Variants in LEF1 observed in about 807,000 individuals in gnomAD.
LEF1 encodes the protein lymphoid enhancer-binding factor 1.
A neutral mutation model predicts 51.2 loss-of-function variants in LEF1; 14 were observed. The observed-to-expected ratio is 0.27, with a 90% CI of 0.18 to 0.43. LEF1 has a LOEUF of 0.43. Ranked by LOEUF, LEF1 falls within the 20% of genes least tolerant of loss-of-function variation. LEF1 has a pLI of 1.00. For synonymous variants in LEF1, 185 were observed against 183.2 expected, an observed-to-expected ratio of 1.01 and a Z score of -0.08; for missense variants, 386 against 512.0, an observed-to-expected ratio of 0.75 and a Z score of 2.37.
intron 3 of LEF1, among the ~76,000 whole-genome samples, chr4:108,097,924 A>G (rs914447037): frequency 1.3e-5 from 2 of 152,176 alleles, no homozygotes; most frequent in African/African-American, 4.8e-5. Context: ...AGTCAGGAGC[A>G]AAAGCTTTCT....
rs1025731926 is a variant in LEF1, at chr4:108,131,424, A to G, written c.414+32144T>C. Among the ~76,000 whole-genome samples the G allele has an allele frequency of 2.0e-5, 3 of 151,860 alleles. No individual in the cohort carries two copies. In the East Asian group the frequency reaches 5.8e-4, roughly 29 times the overall value. On this transcript the variant is annotated intron_variant, in intron 3 of 11. Coordinates refer to ENST00000265165, the MANE Select transcript of LEF1 (RefSeq NM_016269.5). ...AAAAAAATGTTTTAAATAAAAATCT[A>G]CTCAAGAGTATCTACACAATGCCTA...
intron 8 of LEF1, among the ~76,000 whole-genome samples, chr4:108,077,896 C>T (rs1739008807): frequency 6.6e-6 from 1 of 152,060 alleles, no homozygotes; most frequent in African/African-American, 2.4e-5. Flanking sequence ...AAAAATTAGC[C>T]AGGCATGGTG....
chr4:108,166,152 T>C (rs1745374925), intron 1 of LEF1: 1 of 925,628 alleles, frequency 1.1e-6, no homozygotes, highest in East Asian at 3.0e-5. Flanking sequence ...ACAAATCTTT[T>C]ACGCGGGGTT....
intron 3 of LEF1, among the ~76,000 whole-genome samples, chr4:108,117,789 G>T (rs1741931259): frequency 6.6e-6 from 1 of 152,222 alleles, no homozygotes; most frequent in South Asian, 2.1e-4. Context: ...GCCAGCCTCT[G>T]CAGGGTGACT....
chr4:108,105,479 C>A (rs1275951935), intron 3 of LEF1, among the ~76,000 whole-genome samples: 1 of 152,192 alleles, frequency 6.6e-6, no homozygotes, highest in African/African-American at 2.4e-5. Flanking sequence ...CCACGCCCAG[C>A]CTGAACCCGC....
rs1339879885 is a variant in LEF1 at position 108,168,096 on chromosome 4, G to C, written c.-329C>G. 1 of 153,702 alleles carries C rather than the reference G, an allele frequency of 6.5e-6. No individual in the cohort carries two copies. The highest frequency in any genetic ancestry group is 1.4e-5 in the Non-Finnish European group (1 of 69,132). The allele number at this position is 153,702 out of a possible 1,614,324, so 9.5% of individuals were successfully genotyped here. ...GTCTGCGCGGCGCGCGCTAGACGAG[G>C]CTGCCCCGGCGGCCACCCCGCGACC... On this transcript the variant is annotated 5_prime_UTR_variant, in exon 1 of 12. Coordinates refer to ENST00000265165, the MANE Select transcript of LEF1 (RefSeq NM_016269.5). The surrounding 1 kb of genome is among the most constrained non-coding windows in gnomAD (Gnocchi z 4.6).
intron 3 of LEF1, among the ~76,000 whole-genome samples, chr4:108,142,093 G>C (rs1289091429): frequency 6.6e-6 from 1 of 152,128 alleles, no homozygotes; most frequent in Admixed American, 6.5e-5. Context: ...AAAAATGATG[G>C]GGTAAGTGAT....
intron 3 of LEF1, among the ~76,000 whole-genome samples, chr4:108,147,811 A>G (rs1744093356): frequency 6.6e-6 from 1 of 152,236 alleles, no homozygotes; most frequent in Admixed American, 6.5e-5. Flanking sequence ...AGTACTTGTG[A>G]GTAAAGAAAC....
chr4:108,131,203 G>C (rs1437233082), intron 3 of LEF1, among the ~76,000 whole-genome samples: 1 of 151,952 alleles, frequency 6.6e-6, no homozygotes. Flanking sequence ...GGAAGGCCAA[G>C]GTAGGAGGAT....
chr4:108,158,952 T>C (rs1477089097), intron 3 of LEF1, among the ~76,000 whole-genome samples: 1 of 152,098 alleles, frequency 6.6e-6, no homozygotes, highest in Non-Finnish European at 1.5e-5. Context: ...TTTTTGCGGA[T>C]TGGCTCAATG....
At chr4:108,070,226 T>A (rs1456169845) in intron 9 of LEF1, among the ~76,000 whole-genome samples, 1 of 152,060 alleles carries the variant, frequency 6.6e-6, no homozygotes, top group Admixed American at 6.6e-5. Flanking sequence ...AGATAAATGC[T>A]TTTTATATAT....
At position 108,168,118 on chromosome 4, in the gene LEF1, G is replaced by A. The variant is rs1454062114; in HGVS notation, c.-351C>T. 2.0e-5 allele frequency: 3 copies of A among 152,924 alleles called. No homozygotes were observed. Among genetic ancestry groups the A allele is most frequent in the Admixed American group, 2.0e-4 (3 of 15,332 alleles). The allele number at this position is 152,924 out of a possible 1,614,324, so 9.5% of individuals were successfully genotyped here. A position where few individuals can be genotyped will look rare whatever the true frequency, so the allele number is the denominator to read the frequency against. On this transcript the variant is annotated 5_prime_UTR_variant, in exon 1 of 12. Transcript: ENST00000265165. This position sits in a 1 kb window ranked among gnomAD's most constrained non-coding sequence, Gnocchi z 4.6. ...GAGGCTGCCCCGGCGGCCACCCCGC[G>A]ACCCCGCGTCGCCGGGATTTGCGCG...
chr4:108,049,217 C>T (rs988991714), intron 11 of LEF1, among the ~76,000 whole-genome samples: 1 of 152,166 alleles, frequency 6.6e-6, no homozygotes, highest in Non-Finnish European at 1.5e-5. Context: ...TGCCAACTCC[C>T]GTGACGCTAT....
chr4:108,081,503 CA>C, intron 6 of LEF1, 82 bp downstream of exon 6: 2 of 1,147,006 alleles, frequency 1.7e-6, no homozygotes, highest in South Asian at 1.3e-5. Context: ...CCTAGCCAAC[CA>C]AAAGGCAAGC....
At chr4:108,131,511 G>C (rs569052139) in intron 3 of LEF1, among the ~76,000 whole-genome samples, 15 of 152,042 alleles carry the variant, frequency 9.9e-5, no homozygotes, top group African/African-American at 3.6e-4. Flanking sequence ...CATAATTTTG[G>C]CTGAAAGACA....
chr4:108,064,308 A>AT (rs1238178555), intron 10 of LEF1, 28 bp downstream of exon 10: 6 of 1,569,016 alleles, frequency 3.8e-6, no homozygotes, highest in Non-Finnish European at 5.3e-6. Flanking sequence ...AAGCCTGAGG[A>AT]TTGACTGGAA....
intron 5 of LEF1, among the ~76,000 whole-genome samples, chr4:108,082,211 G>A (rs1739353063): frequency 6.6e-6 from 1 of 152,160 alleles, no homozygotes; most frequent in Non-Finnish European, 1.5e-5. Flanking sequence ...TCTCCACCCT[G>A]AGAAGTCCAT....
At chr4:108,138,224 C>T (rs956463496) in intron 3 of LEF1, among the ~76,000 whole-genome samples, 7 of 152,034 alleles carry the variant, frequency 4.6e-5, no homozygotes, top group Non-Finnish European at 1.0e-4. Context: ...TGAAAGAGTA[C>T]ATCTCAAAAG....
chr4:108,070,863 G>C (rs1738433594), intron 8 of LEF1, 93 bp from the exon 9 acceptor site: 1 of 853,626 alleles, frequency 1.2e-6, no homozygotes, highest in African/African-American at 1.7e-5. Context: ...AAAATATTAA[G>C]CATTTAAACT....
Sources: gnomAD v4.1 joint callset for allele counts (sites outside exome capture counted in the v4.1 genomes callset) on GRCh38, gnomAD v4.1.1 for gene constraint, Gnocchi (gnomAD v3.1) non-coding constraint, MANE v1.5 for transcripts, NCBI Gene and HGNC (gene_info 2026-07-23, HGNC 2026-07-21) for gene names.